Variants in GREB1 observed in about 807,000 individuals in gnomAD.
The protein encoded by GREB1 is growth regulating estrogen receptor binding 1.
Under a neutral mutation model 200.7 loss-of-function variants are expected in GREB1, and 106 were observed. The ratio of observed to expected loss-of-function variants is 0.53; its 90% CI spans 0.45 to 0.62. The LOEUF is 0.62. Ranked by LOEUF, GREB1 falls within the 20% of genes least tolerant of loss-of-function variation. The probability of loss-of-function intolerance (pLI) is 0.00; values close to 1 mark genes in which losing one functional copy is unlikely to be tolerated. For synonymous variants in GREB1, 1,132 were observed against 1,092.4 expected (o/e 1.04, Z -0.72); for missense variants, 2,243 against 2,556.8 (o/e 0.88, Z 2.65).
chr2:11,564,647 C>G (rs1156347783), intron 3 of GREB1, among the ~76,000 whole-genome samples: 6 of 152,256 alleles, frequency 3.9e-5, no homozygotes, highest in African/African-American at 7.2e-5. Flanking sequence ...ATGGACCACA[C>G]TGGGCTGGGA....
rs747017854 is a variant in GREB1 at position 11,634,227 on chromosome 2, G to A, written c.5088G>A (p.Leu1696=). The A allele has an allele frequency of 6.2e-7, 1 of 1,614,226 alleles. No homozygotes were observed. The highest frequency in any genetic ancestry group is 1.7e-5 in the Admixed American group (1 of 60,034). ...TCATGCACTACGCCCTGCTGGGCCT[G>A]CGGAAGTGGTCCAGCAAGACCCGGG... The part of the protein sequence containing the change: ...PDIMHYALLG[L]RKWSSKTRAS... Residue 1696 remains leucine (L), a synonymous_variant, in exon 29 of 33, where the codon CTG becomes CTA. Coordinates refer to ENST00000381486, the MANE Select transcript of GREB1 (RefSeq NM_014668.4).
At position 11,637,707 on chromosome 2, in the gene GREB1, C is replaced by T. The variant is rs759670547; in HGVS notation, c.5347-9C>T. 2 of 1,611,886 alleles carry T rather than the reference C, an allele frequency of 1.2e-6. No individual in the cohort carries two copies. The highest frequency in any genetic ancestry group is 2.2e-5 in the South Asian group (2 of 91,056). Reference sequence around the variant, plus strand: ...GCAGTAGTGGCCTGACACCCCCCTTCCCGTGCAGGTGTCTGATAACTCTGC... The same window carrying T: ...GCAGTAGTGGCCTGACACCCCCCTTTCCGTGCAGGTGTCTGATAACTCTGC... On this transcript the variant is annotated splice_polypyrimidine_tract_variant and intron_variant, in intron 30 of 32. Transcript: ENST00000381486.
intron 23 of GREB1, among the ~76,000 whole-genome samples, chr2:11,623,281 A>T (rs2148382514): frequency 6.6e-6 from 1 of 152,380 alleles, no homozygotes; most frequent in South Asian, 2.1e-4. Flanking sequence ...ACATGCAATT[A>T]TGTACAACAC....
At chr2:11,595,071 G>A (rs1416722841) in intron 11 of GREB1, among the ~76,000 whole-genome samples, 180 bp from the exon 12 acceptor site, 2 of 150,300 alleles carry the variant, frequency 1.3e-5, no homozygotes, top group Non-Finnish European at 2.9e-5. Context: ...CCTCTGCCAT[G>A]TGTCAGGCAC....
chr2:11,562,588 C>G lies in GREB1; in HGVS notation c.277+6C>G. 1.3e-6 allele frequency: 2 copies of G among 1,570,648 alleles called. No individual in the cohort carries two copies. The highest frequency in any genetic ancestry group is 1.7e-6 in the Non-Finnish European group (2 of 1,159,424). On this transcript the variant is annotated splice_donor_region_variant and intron_variant, in intron 3 of 32. Transcript: ENST00000381486. ...AGGATGCTGTACCACAGACGGTGAG[C>G]CTCTGCCAGCTCCTGGCCAGGCAGT...
upstream of GREB1, among the ~76,000 whole-genome samples, chr2:11,533,195 C>T (rs1572602916): frequency 6.6e-6 from 1 of 152,088 alleles, no homozygotes; most frequent in African/African-American, 2.4e-5. Context: ...GCTCCACTTT[C>T]AAATAGAGAC....
intron 1 of GREB1, among the ~76,000 whole-genome samples, chr2:11,536,925 C>T (rs1334693293): frequency 5.1e-5 from 7 of 137,426 alleles, no homozygotes; most frequent in Non-Finnish European, 1.1e-4. Context: ...TTTAAAAAAC[C>T]TTGAATTCTT....
rs111486894 is a variant in GREB1 at position 11,578,680 on chromosome 2, A to G, written c.772+249A>G. On this transcript the variant is annotated intron_variant, in intron 6 of 32. Coordinates refer to ENST00000381486, the MANE Select transcript of GREB1 (RefSeq NM_014668.4). ...ATCCCCTGGTGGGGACATATGCAGG[A>G]TCCCTCTGCAGCACCCCCCACCCCA... 4.6e-3 allele frequency among the ~76,000 whole-genome samples: 702 copies of G among 152,248 alleles called. 6 individuals carry two copies. The highest frequency in any genetic ancestry group is 0.016 in the African/African-American group (669 of 41,530).
rs542642686 is a variant in GREB1 at position 11,556,550 on chromosome 2, T to A, written c.-65T>A. 3.7e-6 allele frequency: 5 copies of A among 1,369,496 alleles called. No individual in the cohort carries two copies. In the South Asian group the frequency reaches 7.0e-5, roughly 19 times the overall value. 84.8% of individuals were successfully genotyped at this position (1,369,496 alleles called of 1,614,324 possible). Reference sequence around the variant, plus strand: ...CAGCTGTTTCACCTTCTACCTTGCGTGGAGCCAGGCTTTTGCACCGAATCT... The same window carrying A: ...CAGCTGTTTCACCTTCTACCTTGCGAGGAGCCAGGCTTTTGCACCGAATCT... On this transcript the variant is annotated 5_prime_UTR_variant, in exon 2 of 33. Coordinates refer to ENST00000381486, the MANE Select transcript of GREB1 (RefSeq NM_014668.4).
intron 1 of GREB1, among the ~76,000 whole-genome samples, chr2:11,494,832 G>A (rs893058300): frequency 4.6e-5 from 7 of 152,156 alleles, no homozygotes; most frequent in African/African-American, 1.2e-4. Context: ...AGTTTACACC[G>A]CAGGTGCTTA....
At chr2:11,618,236 C>T in intron 21 of GREB1, 52 bp from the exon 22 acceptor site, 2 of 1,516,486 alleles carry the variant, frequency 1.3e-6, no homozygotes, top group Non-Finnish European at 1.8e-6. Flanking sequence ...ATGGGTGACT[C>T]CTGGGACAGG....
intron 1 of GREB1, among the ~76,000 whole-genome samples, chr2:11,523,144 G>T (rs1186029619): frequency 6.6e-6 from 1 of 152,102 alleles, no homozygotes; most frequent in Non-Finnish European, 1.5e-5. Flanking sequence ...ACCAAACACT[G>T]CAATGTTCTC....
At chr2:11,628,052 C>T (rs1470704811) in intron 25 of GREB1, among the ~76,000 whole-genome samples, 4 of 151,994 alleles carry the variant, frequency 2.6e-5, no homozygotes, top group Non-Finnish European at 5.9e-5. Context: ...AGCCACGAAA[C>T]TCGGAGGGCA....
intron 10 of GREB1, among the ~76,000 whole-genome samples, chr2:11,590,897 CTG>C (rs1680658943): frequency 1.3e-5 from 2 of 152,206 alleles, no homozygotes; most frequent in Non-Finnish European, 2.9e-5. Context: ...GGCTGATCAA[CTG>C]TGCCAGTGTG....
At chr2:11,614,683 C>T (rs11694442) in intron 19 of GREB1, among the ~76,000 whole-genome samples, 34,889 of 151,920 alleles carry the variant, frequency 0.23, 4,957 homozygotes, top group Admixed American at 0.37. Context: ...CCTGCCTCAG[C>T]CTCCCGAGTA....
At chr2:11,498,755 G>C (rs1346141873) in intron 1 of GREB1, among the ~76,000 whole-genome samples, 3 of 152,214 alleles carry the variant, frequency 2.0e-5, no homozygotes, top group Non-Finnish European at 4.4e-5. Flanking sequence ...GGGTGGAGCT[G>C]ACCTTGTGGT....
chr2:11,614,113 C>T (rs1683174499), intron 19 of GREB1, among the ~76,000 whole-genome samples: 1 of 148,362 alleles, frequency 6.7e-6, no homozygotes, highest in African/African-American at 2.5e-5. Context: ...ATCTTTATCA[C>T]AGCGGACTTA....
rs1340190339 is a variant in GREB1, at chr2:11,602,458, T to C, written c.2582T>C (p.Ile861Thr). ...AAGTACTTCGGGCTGTCGGAGTTTA[T>C]TGAATCCACCCTTTCAGGACACAGC... ...NKKYFGLSEFIESTLSGHSLP... is the reference protein window; with the variant it reads ...NKKYFGLSEFTESTLSGHSLP... Residue 861 changes from isoleucine (I) to threonine (T), a missense_variant, in exon 17 of 33, where the codon ATT (isoleucine) becomes ACT (threonine). Around this residue, in one of 3 missense-constraint regions of GREB1, gnomAD observed 1,178 missense variants for 1,387.4 expected, o/e 0.85. Coordinates refer to ENST00000381486, the MANE Select transcript of GREB1 (RefSeq NM_014668.4). The C allele has an allele frequency of 1.9e-6, 3 of 1,613,248 alleles. No homozygotes were observed. Among genetic ancestry groups the C allele is most frequent in the East Asian group, 2.2e-5 (1 of 44,872 alleles).
At chr2:11,563,630 G>A (rs369436848) in intron 3 of GREB1, among the ~76,000 whole-genome samples, 17 of 152,176 alleles carry the variant, frequency 1.1e-4, no homozygotes, top group Admixed American at 3.3e-4. Flanking sequence ...GAATAGCTGC[G>A]GGCCAATCAC....
Sources: gnomAD v4.1 joint callset for allele counts (sites outside exome capture counted in the v4.1 genomes callset) on GRCh38, gnomAD v4.1.1 for gene constraint, gnomAD v4.1.1 regional missense constraint, MANE v1.5 for transcripts, NCBI Gene and HGNC (gene_info 2026-07-23, HGNC 2026-07-21) for gene names.